KCNMB2: variants seen among roughly 807,000 people sequenced by gnomAD.
KCNMB2 encodes the protein calcium-activated potassium channel subunit beta-2.
Under a neutral mutation model 24.5 loss-of-function variants are expected in KCNMB2, and 9 were observed. The ratio of observed to expected loss-of-function variants is 0.37; its 90% CI spans 0.22 to 0.64. The LOEUF is 0.64. Ranked by LOEUF, KCNMB2 falls within the 30% of genes least tolerant of loss-of-function variation. The probability of loss-of-function intolerance (pLI) is 0.63; values close to 1 mark genes in which losing one functional copy is unlikely to be tolerated. For missense variants in KCNMB2, 226 were observed against 284.3 expected (o/e 0.79, Z 1.47); for synonymous variants, 109 against 104.4 (o/e 1.04, Z -0.27).
At chr3:178,573,376 A>G (rs899137890) in intron 1 of KCNMB2, among the ~76,000 whole-genome samples, 1 of 152,152 alleles carries the variant, frequency 6.6e-6, no homozygotes, top group African/African-American at 2.4e-5. Context: ...ATAGATATTA[A>G]TAAGTGCAAC....
chr3:178,539,829 C>A (rs1715558703), intron 1 of KCNMB2, among the ~76,000 whole-genome samples: 1 of 151,890 alleles, frequency 6.6e-6, no homozygotes, highest in Non-Finnish European at 1.5e-5. Context: ...CCTGCTGGTT[C>A]CTTATTATTT....
chr3:178,576,447 A>AT (rs71628066), intron 1 of KCNMB2, among the ~76,000 whole-genome samples: 52 of 152,068 alleles, frequency 3.4e-4, no homozygotes, highest in African/African-American at 1.1e-3. Flanking sequence ...AGCTGCAGGA[A>AT]TTTTTTTTCA....
intron 2 of KCNMB2, among the ~76,000 whole-genome samples, chr3:178,817,538 T>G (rs1714458079): frequency 6.6e-6 from 1 of 152,082 alleles, no homozygotes; most frequent in African/African-American, 2.4e-5. Flanking sequence ...GGGGCAGAGA[T>G]GTATAGCAGC....
chr3:178,538,816 A>G (rs961368515), intron 1 of KCNMB2, among the ~76,000 whole-genome samples: 1 of 152,220 alleles, frequency 6.6e-6, no homozygotes, highest in Non-Finnish European at 1.5e-5. Flanking sequence ...AGCCAAACCA[A>G]GTAATTTAGT....
At chr3:178,725,712 G>A (rs1722945051) in intron 1 of KCNMB2, among the ~76,000 whole-genome samples, 1 of 151,960 alleles carries the variant, frequency 6.6e-6, no homozygotes, top group African/African-American at 2.4e-5. Flanking sequence ...AATATTTCAT[G>A]TGCTGTTATT....
chr3:178,692,838 G>T (rs946431018), intron 1 of KCNMB2, among the ~76,000 whole-genome samples: 1 of 152,162 alleles, frequency 6.6e-6, no homozygotes, highest in Non-Finnish European at 1.5e-5. Flanking sequence ...ATTGCTTTGG[G>T]CACTATGGCC....
At chr3:178,701,327 G>C (rs1157356992) in intron 1 of KCNMB2, among the ~76,000 whole-genome samples, 1 of 152,044 alleles carries the variant, frequency 6.6e-6, no homozygotes, top group Non-Finnish European at 1.5e-5. Context: ...TCTCTGTTTT[G>C]GTACCAGTAC....
In KCNMB2 at chr3:178,547,499, T is replaced by C. The variant is rs375606112; in HGVS notation, c.-68+10788T>C. 3.3e-4 allele frequency among the ~76,000 whole-genome samples: 50 copies of C among 152,312 alleles called. No homozygotes were observed. The South Asian group carries it at 0.01, about 31-fold the overall frequency. Reference sequence around the variant, plus strand: ...TACAGTTCCCTTTCATCATAAAACATTTTAAAATTATAGTGTATGCTCACT... The same window carrying C: ...TACAGTTCCCTTTCATCATAAAACACTTTAAAATTATAGTGTATGCTCACT... On this transcript the variant is annotated intron_variant, in intron 1 of 4. Coordinates refer to ENST00000452583, the MANE Select transcript of KCNMB2 (RefSeq NM_181361.3).
intron 4 of KCNMB2, among the ~76,000 whole-genome samples, chr3:178,831,272 G>A (rs903227172): frequency 6.6e-6 from 1 of 152,090 alleles, no homozygotes; most frequent in Admixed American, 6.6e-5. Context: ...AACAGATAAT[G>A]GTGAGGTTGC....
At chr3:178,803,681 GAAGT>G (rs745728108) in intron 1 of KCNMB2, among the ~76,000 whole-genome samples, 27 of 152,298 alleles carry the variant, frequency 1.8e-4, no homozygotes, top group African/African-American at 6.5e-4. Context: ...TGCCTTAGCA[GAAGT>G]AAGTACCGAG....
At chr3:178,790,534 T>A (rs1246619365) in intron 1 of KCNMB2, among the ~76,000 whole-genome samples, 1 of 152,200 alleles carries the variant, frequency 6.6e-6, no homozygotes, top group Non-Finnish European at 1.5e-5. Context: ...GGGTGATCAC[T>A]GCCTTAAAAA....
At chr3:178,583,444 C>T (rs1717289904) in intron 1 of KCNMB2, among the ~76,000 whole-genome samples, 1 of 152,106 alleles carries the variant, frequency 6.6e-6, no homozygotes, top group African/African-American at 2.4e-5. Context: ...TCATCAAAAA[C>T]CTTTAATTCA....
chr3:178,740,737 T>C (rs6777755), intron 1 of KCNMB2, among the ~76,000 whole-genome samples: 4,283 of 152,288 alleles, frequency 0.028, 206 homozygotes, highest in African/African-American at 0.097. Flanking sequence ...GGAGAATCTT[T>C]GGTTGACTAC....
chr3:178,776,954 T>C (rs1421755878), intron 1 of KCNMB2, among the ~76,000 whole-genome samples: 2 of 152,092 alleles, frequency 1.3e-5, no homozygotes, highest in African/African-American at 4.8e-5. Context: ...CTTATGGGGG[T>C]TTCCGGCAAC....
At chr3:178,608,208 C>T (rs1361271039) in intron 1 of KCNMB2, among the ~76,000 whole-genome samples, 1 of 152,102 alleles carries the variant, frequency 6.6e-6, no homozygotes, top group Admixed American at 6.6e-5. Context: ...GGATTTTTAA[C>T]CCATGAAGGA....
chr3:178,737,698 T>C (rs1161870893), intron 1 of KCNMB2, among the ~76,000 whole-genome samples: 3 of 152,172 alleles, frequency 2.0e-5, no homozygotes, highest in African/African-American at 7.2e-5. Context: ...GAATGTATAC[T>C]TTAGTATGAA....
At chr3:178,689,277 T>C (rs1439495825) in intron 1 of KCNMB2, among the ~76,000 whole-genome samples, 1 of 152,202 alleles carries the variant, frequency 6.6e-6, no homozygotes, top group Non-Finnish European at 1.5e-5. Context: ...TCTCATTTTA[T>C]GGAACTTTGT....
intron 1 of KCNMB2, among the ~76,000 whole-genome samples, chr3:178,551,559 T>A (rs1715954195): frequency 6.6e-6 from 1 of 152,170 alleles, no homozygotes; most frequent in Non-Finnish European, 1.5e-5. Context: ...GGAGAAATAG[T>A]TGTTTATTCT....
intron 1 of KCNMB2, among the ~76,000 whole-genome samples, chr3:178,675,858 C>T (rs191032392): frequency 6.6e-6 from 1 of 152,296 alleles, no homozygotes; most frequent in Admixed American, 6.5e-5. Context: ...CAAAGTTTCT[C>T]CCCCTGTGCA....
Sources: gnomAD v4.1 joint callset for allele counts (sites outside exome capture counted in the v4.1 genomes callset) on GRCh38, gnomAD v4.1.1 for gene constraint, MANE v1.5 for transcripts, NCBI Gene and HGNC (gene_info 2026-07-23, HGNC 2026-07-21) for gene names.